Variants in FAM236C observed in about 807,000 individuals in gnomAD.
The protein encoded by FAM236C is protein FAM236C.
FAM236C carries 1 observed loss-of-function variant against 3.1 expected under a neutral mutation model. That is an observed-to-expected ratio of 0.33 (90% CI 0.12 to 1.55). The LOEUF is 1.55. Ranked by LOEUF, FAM236C falls within the 40% of genes most tolerant of loss-of-function variation. The probability of loss-of-function intolerance (pLI) is 0.38; values close to 1 mark genes in which losing one functional copy is unlikely to be tolerated. For synonymous variants in FAM236C, 7 were observed against 10.9 expected, an observed-to-expected ratio of 0.64 and a Z score of 0.70; for missense variants, 11 against 27.7, an observed-to-expected ratio of 0.40 and a Z score of 1.35.
At chrX:72,913,172 C>G in intron 2 of FAM236C, 77 bp downstream of exon 2, 2 of 655,838 alleles carry the variant, frequency 3.0e-6, no homozygotes, top group South Asian at 4.6e-5. Flanking sequence ...CCTTCCTGTT[C>G]CACCAAGAGA....
In FAM236C at chrX:72,913,324, C is replaced by G. The variant is rs1321056351; in HGVS notation, c.*46C>G. ...CAGGCGTGAACGGTGACCGAGCCCC[C>G]TCTGATGCTCCATGCCCCTGCTCGC... On this transcript the variant is annotated 3_prime_UTR_variant, in exon 3 of 3. Coordinates refer to ENST00000636267, the MANE Select transcript of FAM236C (RefSeq NM_001351111.1). The G allele has an allele frequency of 4.9e-6, 3 of 614,682 alleles. No homozygotes were observed. Among genetic ancestry groups the G allele is most frequent in the Non-Finnish European group, 7.9e-6 (3 of 378,121 alleles). The allele number at this position is 614,682 out of a possible 1,213,427, so 50.7% of individuals were successfully genotyped here.
rs1486297746 is a variant in FAM236C at position 72,913,317 on chromosome X, G to A, written c.*39G>A. ...ACAGACACAGGCGTGAACGGTGACC[G>A]AGCCCCCTCTGATGCTCCATGCCCC... On this transcript the variant is annotated 3_prime_UTR_variant, in exon 3 of 3. Transcript: ENST00000636267. 1.2e-5 allele frequency: 8 copies of A among 670,817 alleles called. No individual in the cohort carries two copies. Among genetic ancestry groups the A allele is most frequent in the East Asian group, 6.7e-5 (2 of 29,868 alleles). 55.3% of individuals were successfully genotyped at this position (670,817 alleles called of 1,213,427 possible).
chrX:72,913,229 G>A, intron 2 of FAM236C, 22 bp from the exon 3 acceptor site: 1 of 905,171 alleles, frequency 1.1e-6, no homozygotes. Flanking sequence ...GGGTCCACTT[G>A]TCACTCTGCT....
chrX:72,913,301 G>A lies in FAM236C; in HGVS notation c.*23G>A. ...TGAGACCACCGGAGCCACAGACACA[G>A]GCGTGAACGGTGACCGAGCCCCCTC... On this transcript the variant is annotated 3_prime_UTR_variant, in exon 3 of 3. Transcript: ENST00000636267. The A allele has an allele frequency of 2.7e-6, 2 of 743,915 alleles. No individual in the cohort carries two copies. Among genetic ancestry groups the A allele is most frequent in the Non-Finnish European group, 4.1e-6 (2 of 492,847 alleles). 61.3% of individuals were successfully genotyped at this position (743,915 alleles called of 1,213,427 possible). A position where few individuals can be genotyped will look rare whatever the true frequency, so the allele number is the denominator to read the frequency against.
chrX:72,913,071 T>A lies in FAM236C; in HGVS notation c.188T>A (p.Leu63Gln). 2.0e-6 allele frequency: 1 copy of A among 494,843 alleles called. No individual in the cohort carries two copies. The highest frequency in any genetic ancestry group is 3.6e-6 in the Non-Finnish European group (1 of 281,579). The allele number at this position is 494,843 out of a possible 1,213,427, so 40.8% of individuals were successfully genotyped here. A position where few individuals can be genotyped will look rare whatever the true frequency, so the allele number is the denominator to read the frequency against. ...TGGAGGAGCCGGTTCCAGAGGGCCC[T>A]GGCATGTTTCATCAAGTGCTTCAGG... ...GSWRSRFQRA[L>Q]ACFIKCFRGG... The change falls in exon 2 of 3, where the codon CTG (leucine) becomes CAG (glutamine). Residue 63 changes from leucine to glutamine, a missense_variant. By Grantham distance (113) the Leu-to-Gln change is moderately radical (BLOSUM62 -2). Transcript: ENST00000636267.
At position 72,913,255 on chromosome X, in the gene FAM236C, G is replaced by A. The variant is rs1226574365; in HGVS notation, c.217G>A (p.Gly73Arg). 213 of 920,747 alleles carry A rather than the reference G, an allele frequency of 2.3e-4. 7 individuals are homozygous for A. Among genetic ancestry groups the A allele is most frequent in the Non-Finnish European group, 3.2e-4 (209 of 658,992 alleles). The allele number at this position is 920,747 out of a possible 1,213,427, so 75.9% of individuals were successfully genotyped here. A position where few individuals can be genotyped will look rare whatever the true frequency, so the allele number is the denominator to read the frequency against. Residue 73 changes from glycine (G) to arginine (R), a missense_variant, in exon 3 of 3, where the codon GGA (glycine) becomes AGA (arginine). By Grantham distance (125) the Gly-to-Arg change is moderately radical. Transcript: ENST00000636267. ...TCACTCTGCTTTCCTCCCTAGGGGA[G>A]GATACCGGGCACTCGGAATCTGAGA... ...LACFIKCFRG[G>R]YRALGI
At position 72,913,302 on chromosome X, in the gene FAM236C, G is replaced by C; in HGVS notation, c.*24G>C. Reference sequence around the variant, plus strand: ...GAGACCACCGGAGCCACAGACACAGGCGTGAACGGTGACCGAGCCCCCTCT... The same window carrying C: ...GAGACCACCGGAGCCACAGACACAGCCGTGAACGGTGACCGAGCCCCCTCT... On this transcript the variant is annotated 3_prime_UTR_variant, in exon 3 of 3. Transcript: ENST00000636267. The C allele has an allele frequency of 1.3e-6, 1 of 745,809 alleles. No individual in the cohort carries two copies. The highest frequency in any genetic ancestry group is 2.0e-6 in the Non-Finnish European group (1 of 494,483). 61.5% of individuals were successfully genotyped at this position (745,809 alleles called of 1,213,427 possible).
Position 72,913,282 on chromosome X carries a change from CA to C in FAM236C, c.*5del. 1 of 857,803 alleles carries C rather than the reference CA, an allele frequency of 1.2e-6. No individual in the cohort carries two copies. The highest frequency in any genetic ancestry group is 1.7e-6 in the Non-Finnish European group (1 of 598,242). The allele number at this position is 857,803 out of a possible 1,213,427, so 70.7% of individuals were successfully genotyped here. A position where few individuals can be genotyped will look rare whatever the true frequency, so the allele number is the denominator to read the frequency against. ...ATACCGGGCACTCGGAATCTGAGAC[CA>C]CCGGAGCCACAGACACAGGCGTGAA... On this transcript the variant is annotated 3_prime_UTR_variant, in exon 3 of 3. Transcript: ENST00000636267.
At position 72,913,391 on chromosome X, in the gene FAM236C, G is replaced by A. The variant is rs1429374414; in HGVS notation, c.*113G>A. 2.6e-4 allele frequency: 115 copies of A among 444,704 alleles called. 1 individual carries two copies. The highest frequency in any genetic ancestry group is 4.5e-4 in the Non-Finnish European group (113 of 249,673). 36.6% of individuals were successfully genotyped at this position (444,704 alleles called of 1,213,427 possible). A position where few individuals can be genotyped will look rare whatever the true frequency, so the allele number is the denominator to read the frequency against. ...CCGGGCCTGAAATAAATGCTGGCAC[G>A]CTTGACTGTTTTTGCTTTGTGGCAT... is the stretch of plus-strand genomic sequence containing the variant. On this transcript the variant is annotated 3_prime_UTR_variant, in exon 3 of 3. Coordinates refer to ENST00000636267, the MANE Select transcript of FAM236C (RefSeq NM_001351111.1).
chrX:72,913,251 G>C lies in FAM236C; in HGVS notation c.213G>C (p.Arg71Ser). ...CTTGTCACTCTGCTTTCCTCCCTAG[G>C]GGAGGATACCGGGCACTCGGAATCT... The part of the protein sequence containing the change: ...RALACFIKCF[R>S]GGYRALGI Residue 71 changes from arginine (R) to serine (S), a missense_variant and splice_region_variant, in exon 3 of 3, where the codon AGG becomes AGC. Arg to Ser is a moderately radical substitution (Grantham distance 110). Transcript: ENST00000636267. The C allele has an allele frequency of 1.1e-6, 1 of 919,902 alleles. No homozygotes were observed. Among genetic ancestry groups the C allele is most frequent in the Non-Finnish European group, 1.5e-6 (1 of 657,179 alleles). The allele number at this position is 919,902 out of a possible 1,213,427, so 75.8% of individuals were successfully genotyped here.
Position 72,913,264 on chromosome X carries a change from G to C in FAM236C, c.226G>C (p.Ala76Pro). 2 of 906,695 alleles carry C rather than the reference G, an allele frequency of 2.2e-6. No individual in the cohort carries two copies. Among genetic ancestry groups the C allele is most frequent in the Non-Finnish European group, 3.1e-6 (2 of 644,520 alleles). 74.7% of individuals were successfully genotyped at this position (906,695 alleles called of 1,213,427 possible). Reference sequence around the variant, plus strand: ...TTTCCTCCCTAGGGGAGGATACCGGGCACTCGGAATCTGAGACCACCGGAG... The same window carrying C: ...TTTCCTCCCTAGGGGAGGATACCGGCCACTCGGAATCTGAGACCACCGGAG... ...FIKCFRGGYR[A>P]LGI The change falls in exon 3 of 3, where the codon GCA becomes CCA. Residue 76 changes from alanine to proline, a missense_variant. Coordinates refer to ENST00000636267, the MANE Select transcript of FAM236C (RefSeq NM_001351111.1).
Position 72,913,113 on chromosome X carries a change from G to GC in FAM236C, c.212+20dup, listed in dbSNP as rs2054963409. On this transcript the variant is annotated intron_variant, in intron 2 of 2. Coordinates refer to ENST00000636267, the MANE Select transcript of FAM236C (RefSeq NM_001351111.1). ...TGCTTCAGGCGAGAGCTCCTTCGGA[G>GC]CCAGCCTCTGCCTGTCTCACTGGCT... 1 of 483,898 alleles carries GC rather than the reference G, an allele frequency of 2.1e-6. No homozygotes were observed. The highest frequency in any genetic ancestry group is 3.7e-6 in the Non-Finnish European group (1 of 269,698). 39.9% of individuals were successfully genotyped at this position (483,898 alleles called of 1,213,427 possible).
chrX:72,912,835 C>G (rs2054958566), intron 1 of FAM236C, 85 bp downstream of exon 1: 4 of 461,566 alleles, frequency 8.7e-6, no homozygotes, highest in Non-Finnish European at 1.5e-5. Context: ...GCATCCCTCA[C>G]CCATGGAAGA....
At position 72,913,236 on chromosome X, in the gene FAM236C, T is replaced by A; in HGVS notation, c.213-15T>A. 1.1e-6 allele frequency: 1 copy of A among 916,149 alleles called. No individual in the cohort carries two copies. Among genetic ancestry groups the A allele is most frequent in the Non-Finnish European group, 1.5e-6 (1 of 654,044 alleles). 75.5% of individuals were successfully genotyped at this position (916,149 alleles called of 1,213,427 possible). ...GCTCCCGAGGGTCCACTTGTCACTCTGCTTTCCTCCCTAGGGGAGGATACC... is the reference window on the plus strand; with the variant it reads ...GCTCCCGAGGGTCCACTTGTCACTCAGCTTTCCTCCCTAGGGGAGGATACC... On this transcript the variant is annotated splice_polypyrimidine_tract_variant and intron_variant, in intron 2 of 2. Coordinates refer to ENST00000636267, the MANE Select transcript of FAM236C (RefSeq NM_001351111.1).
intron 1 of FAM236C, 61 bp from the exon 2 acceptor site, chrX:72,912,859 A>G: frequency 2.0e-6 from 1 of 504,007 alleles, no homozygotes; most frequent in East Asian, 3.6e-5. Context: ...CCGGAGATGC[A>G]CACAACAGTT....
In FAM236C at chrX:72,913,376, A is replaced by G. The variant is rs1421624249; in HGVS notation, c.*98A>G. On this transcript the variant is annotated 3_prime_UTR_variant, in exon 3 of 3. Coordinates refer to ENST00000636267, the MANE Select transcript of FAM236C (RefSeq NM_001351111.1). ...CCAGTGTCCCGGTCACCGGGCCTGA[A>G]ATAAATGCTGGCACGCTTGACTGTT... The G allele has an allele frequency of 3.6e-5, 17 of 466,484 alleles. No individual in the cohort carries two copies. The highest frequency in any genetic ancestry group is 6.4e-5 in the Non-Finnish European group (17 of 263,613). The allele number at this position is 466,484 out of a possible 1,213,427, so 38.4% of individuals were successfully genotyped here.
chrX:72,913,087 G>A lies in FAM236C; in HGVS notation c.204G>A (p.Lys68=), dbSNP rs2054962976. 7 of 483,121 alleles carry A rather than the reference G, an allele frequency of 1.4e-5. No individual in the cohort carries two copies. The highest frequency in any genetic ancestry group is 3.2e-5 in the Admixed American group (1 of 31,077). The allele number at this position is 483,121 out of a possible 1,213,427, so 39.8% of individuals were successfully genotyped here. Residue 68 remains lysine, a synonymous_variant, in exon 2 of 3, where the codon AAG becomes AAA. Coordinates refer to ENST00000636267, the MANE Select transcript of FAM236C (RefSeq NM_001351111.1). The part of the protein sequence containing the change: ...RFQRALACFI[K]CFRGGYRALG... ...AGAGGGCCCTGGCATGTTTCATCAA[G>A]TGCTTCAGGCGAGAGCTCCTTCGGA...
At position 72,913,316 on chromosome X, in the gene FAM236C, C is replaced by T. The variant is rs1216244381; in HGVS notation, c.*38C>T. ...CACAGACACAGGCGTGAACGGTGACCGAGCCCCCTCTGATGCTCCATGCCC... is the reference window on the plus strand; with the variant it reads ...CACAGACACAGGCGTGAACGGTGACTGAGCCCCCTCTGATGCTCCATGCCC... On this transcript the variant is annotated 3_prime_UTR_variant, in exon 3 of 3. Coordinates refer to ENST00000636267, the MANE Select transcript of FAM236C (RefSeq NM_001351111.1). 124 of 666,713 alleles carry T rather than the reference C, an allele frequency of 1.9e-4. 5 individuals carry two copies. The Middle Eastern group carries it at 7.5e-3, about 40-fold the overall frequency. 54.9% of individuals were successfully genotyped at this position (666,713 alleles called of 1,213,427 possible). A position where few individuals can be genotyped will look rare whatever the true frequency, so the allele number is the denominator to read the frequency against.
In FAM236C at chrX:72,913,365, A is replaced by G; in HGVS notation, c.*87A>G. On this transcript the variant is annotated 3_prime_UTR_variant, in exon 3 of 3. Transcript: ENST00000636267. The stretch of plus-strand genomic sequence containing the variant: ...CCCTGCTCGCCCCAGTGTCCCGGTC[A>G]CCGGGCCTGAAATAAATGCTGGCAC... 1 of 491,685 alleles carries G rather than the reference A, an allele frequency of 2.0e-6. No individual in the cohort carries two copies. The highest frequency in any genetic ancestry group is 3.6e-6 in the Non-Finnish European group (1 of 280,194). 40.5% of individuals were successfully genotyped at this position (491,685 alleles called of 1,213,427 possible). A position where few individuals can be genotyped will look rare whatever the true frequency, so the allele number is the denominator to read the frequency against.
Sources: gnomAD v4.1 joint callset for allele counts on GRCh38, gnomAD v4.1.1 for gene constraint, MANE v1.5 for transcripts, NCBI Gene and HGNC (gene_info 2026-07-23, HGNC 2026-07-21) for gene names.